CENPP: variants seen among roughly 807,000 people sequenced by gnomAD.
CENPP encodes centromere protein P.
CENPP carries 24 observed loss-of-function variants against 35.6 expected under a neutral mutation model. The observed-to-expected ratio is 0.67, with a 90% CI of 0.49 to 0.95. The LOEUF (loss-of-function observed/expected upper bound fraction) is 0.95, where lower values mean the gene tolerates loss of function less well. CENPP is among the 40% of genes least tolerant of loss of function. The pLI is 0.00. For missense variants in CENPP, 332 were observed against 345.3 expected (o/e 0.96, Z 0.31); for synonymous variants, 120 against 125.5 (o/e 0.96, Z 0.29).
chr9:92,569,163 T>C (rs561208917), intron 5 of CENPP, among the ~76,000 whole-genome samples: 2 of 152,358 alleles, frequency 1.3e-5, no homozygotes, highest in East Asian at 3.9e-4. Context: ...CCCATGCCTA[T>C]GTCCTGAATG....
At chr9:92,505,420 C>A in intron 5 of CENPP, 1 of 942,970 alleles carries the variant, frequency 1.1e-6, no homozygotes, top group Non-Finnish European at 1.6e-6. Flanking sequence ...ATTCTGTATA[C>A]AGCATGAAAC....
chr9:92,459,781 T>C (rs1202055910), intron 5 of CENPP: 2 of 1,612,276 alleles, frequency 1.2e-6, no homozygotes, highest in African/African-American at 1.3e-5. Flanking sequence ...CTAAAAATGA[T>C]ATAAAATGCA....
intron 5 of CENPP, among the ~76,000 whole-genome samples, chr9:92,494,537 T>C (rs992907509): frequency 1.3e-5 from 2 of 152,232 alleles, no homozygotes; most frequent in African/African-American, 4.8e-5. Context: ...CTAACAGTTA[T>C]CTTCATATTA....
At chr9:92,562,789 C>T (rs1849879504) in intron 5 of CENPP, among the ~76,000 whole-genome samples, 1 of 152,082 alleles carries the variant, frequency 6.6e-6, no homozygotes, top group Admixed American at 6.5e-5. Context: ...CCAGAGTGAC[C>T]ACAATATTTA....
intron 5 of CENPP, chr9:92,522,924 G>C: frequency 3.3e-6 from 5 of 1,515,956 alleles, no homozygotes; most frequent in Non-Finnish European, 4.4e-6. Flanking sequence ...AAAGTTAGTG[G>C]TGACTAAATT....
At chr9:92,329,760 T>G (rs1271422860) in intron 1 of CENPP, among the ~76,000 whole-genome samples, 1 of 152,102 alleles carries the variant, frequency 6.6e-6, no homozygotes, top group Non-Finnish European at 1.5e-5. Flanking sequence ...TTGGTAGACA[T>G]GGGGTTTTAC....
At chr9:92,510,604 A>C (rs1228611709) in intron 5 of CENPP, among the ~76,000 whole-genome samples, 4 of 152,210 alleles carry the variant, frequency 2.6e-5, no homozygotes, top group African/African-American at 9.7e-5. Flanking sequence ...TCTTTTTCAC[A>C]TTTGTAGTTG....
chr9:92,609,925 G>A (rs868845989), intron 5 of CENPP, among the ~76,000 whole-genome samples: 1 of 152,088 alleles, frequency 6.6e-6, no homozygotes, highest in Middle Eastern at 3.4e-3. Context: ...TAGTAGAGAC[G>A]GGCTTTCACC....
chr9:92,359,887 A>G (rs1415285154), intron 4 of CENPP, among the ~76,000 whole-genome samples: 2 of 151,988 alleles, frequency 1.3e-5, no homozygotes, highest in South Asian at 2.1e-4. Flanking sequence ...GGGGTGAAGA[A>G]ATGGGTAGCT....
At chr9:92,442,703 G>T (rs1203468607) in intron 5 of CENPP, among the ~76,000 whole-genome samples, 1 of 151,864 alleles carries the variant, frequency 6.6e-6, no homozygotes, top group Non-Finnish European at 1.5e-5. Context: ...AAAAAAATTA[G>T]CCAGGCGTGG....
At chr9:92,571,186 A>G (rs1850128867) in intron 5 of CENPP, among the ~76,000 whole-genome samples, 2 of 152,216 alleles carry the variant, frequency 1.3e-5, no homozygotes, top group Admixed American at 6.5e-5. Flanking sequence ...TGTCGATTTT[A>G]GATCTTTCCT....
In CENPP at chr9:92,354,638, G is replaced by A. The variant is rs561465324; in HGVS notation, c.467+8851G>A. ...TCCTCCCAAAGTTCTGGGATTATAG[G>A]CATGAGCCACCACACATGTCCTTGC... On this transcript the variant is annotated intron_variant, in intron 4 of 7. Transcript: ENST00000375587. 1.2e-4 allele frequency among the ~76,000 whole-genome samples: 19 copies of A among 152,170 alleles called. 1 individual carries two copies. In the South Asian group the frequency reaches 3.9e-3, roughly 32 times the overall value.
chr9:92,452,950 C>T (rs1190024260), intron 5 of CENPP, among the ~76,000 whole-genome samples: 2 of 152,196 alleles, frequency 1.3e-5, no homozygotes, highest in African/African-American at 4.8e-5. Flanking sequence ...GTGATATCCC[C>T]TTTATCATTT....
chr9:92,435,662 A>G (rs1844229139), intron 5 of CENPP, among the ~76,000 whole-genome samples: 1 of 152,216 alleles, frequency 6.6e-6, no homozygotes, highest in Non-Finnish European at 1.5e-5. Context: ...AAATGGAATC[A>G]TACAGTATAT....
At chr9:92,430,522 A>G (rs1280084470) in intron 5 of CENPP, among the ~76,000 whole-genome samples, 1 of 151,650 alleles carries the variant, frequency 6.6e-6, no homozygotes, top group Admixed American at 6.6e-5. Flanking sequence ...ACACCTGGCT[A>G]ATTTTTGTAT....
chr9:92,359,250 T>C (rs1841675878), intron 4 of CENPP, among the ~76,000 whole-genome samples: 1 of 152,060 alleles, frequency 6.6e-6, no homozygotes, highest in South Asian at 2.1e-4. Context: ...TGCCCAGCCT[T>C]CTTTTATATT....
chr9:92,612,452 C>T (rs1039462685), intron 6 of CENPP, 71 bp from the exon 7 acceptor site: 44 of 1,196,898 alleles, frequency 3.7e-5, no homozygotes, highest in Middle Eastern at 1.9e-4. Context: ...AGACCAGGTG[C>T]GACTCATGGT....
At chr9:92,421,568 G>A (rs1001184149) in intron 5 of CENPP, among the ~76,000 whole-genome samples, 6 of 152,264 alleles carry the variant, frequency 3.9e-5, no homozygotes, top group Admixed American at 3.3e-4. Flanking sequence ...GGGTCTGCTT[G>A]GAAATGCTTA....
At chr9:92,498,400 G>GT (rs1177638660) in intron 5 of CENPP, among the ~76,000 whole-genome samples, 2 of 151,914 alleles carry the variant, frequency 1.3e-5, no homozygotes, top group Non-Finnish European at 2.9e-5. Flanking sequence ...GTATATATAT[G>GT]TAACAAACCT....
Sources: allele counts gnomAD v4.1 joint callset (sites outside exome capture counted in the v4.1 genomes callset), GRCh38; gene constraint gnomAD v4.1.1; transcripts MANE v1.5; gene names NCBI Gene and HGNC (gene_info 2026-07-23, HGNC 2026-07-21).